DLG2: variants seen among roughly 807,000 people sequenced by gnomAD.
DLG2 encodes discs large MAGUK scaffold protein 2.
Under a neutral mutation model 132.5 loss-of-function variants are expected in DLG2, and 45 were observed. That is an observed-to-expected ratio of 0.34 (90% CI 0.27 to 0.44). The LOEUF (loss-of-function observed/expected upper bound fraction) is 0.44. Among genes scored for constraint, DLG2 ranks in the 20% least tolerant of loss-of-function variants. The probability of loss-of-function intolerance (pLI) is 1.00; values close to 1 mark genes in which losing one functional copy is unlikely to be tolerated. For missense variants in DLG2, 1,045 were observed against 1,196.9 expected (o/e 0.87, Z 1.87); for synonymous variants, 424 against 419.6 (o/e 1.01, Z -0.13).
intron 18 of DLG2, among the ~76,000 whole-genome samples, chr11:83,750,569 T>C (rs1486338016): frequency 3.9e-5 from 6 of 152,198 alleles, no homozygotes; most frequent in Admixed American, 6.5e-5. Context: ...CTTTCATCTG[T>C]TCTACATATA....
intron 3 of DLG2, among the ~76,000 whole-genome samples, chr11:85,405,429 G>A (rs2088629369): frequency 6.6e-6 from 1 of 151,860 alleles, no homozygotes; most frequent in South Asian, 2.1e-4. Context: ...AATCACTAAA[G>A]AACATAACAG....
intron 8 of DLG2, among the ~76,000 whole-genome samples, chr11:84,192,104 A>G (rs144946163): frequency 2.0e-4 from 30 of 152,306 alleles, no homozygotes; most frequent in Non-Finnish European, 4.1e-4. Context: ...CACATGGGAC[A>G]AGTAAGAAAA....
chr11:84,280,867 ATTTTTT>A (rs35970331), intron 7 of DLG2, among the ~76,000 whole-genome samples: 8 of 67,700 alleles, frequency 1.2e-4, no homozygotes, highest in South Asian at 7.1e-4. Flanking sequence ...TGCCCAGCCA[ATTTTTT>A]TTTTTTTTTT....
At chr11:84,679,107 T>C (rs952705609) in intron 6 of DLG2, among the ~76,000 whole-genome samples, 8 of 151,548 alleles carry the variant, frequency 5.3e-5, no homozygotes, top group Non-Finnish European at 1.2e-4. Context: ...GTATTTGAAA[T>C]AAAAAATAAT....
At chr11:84,538,009 C>T (rs1430958556) in intron 6 of DLG2, among the ~76,000 whole-genome samples, 1 of 152,188 alleles carries the variant, frequency 6.6e-6, no homozygotes, top group Admixed American at 6.5e-5. Context: ...TTCTCCTCAT[C>T]ATTCATTTCA....
intron 7 of DLG2, among the ~76,000 whole-genome samples, chr11:84,471,544 AGTT>A (rs2099108370): frequency 6.6e-6 from 1 of 151,502 alleles, no homozygotes; most frequent in South Asian, 2.1e-4. Flanking sequence ...GGAGAGCAAG[AGTT>A]GTTTGAGGAA....
chr11:85,620,464 T>C (rs539378756), intron 2 of DLG2, among the ~76,000 whole-genome samples: 2 of 152,310 alleles, frequency 1.3e-5, no homozygotes, highest in Admixed American at 1.3e-4. Flanking sequence ...AGTGAGGAAG[T>C]TATGTTGAAA....
intron 3 of DLG2, among the ~76,000 whole-genome samples, chr11:85,294,668 T>C (rs990011781): frequency 3.3e-5 from 5 of 152,176 alleles, no homozygotes; most frequent in Admixed American, 6.6e-5. Flanking sequence ...TTGATTAACA[T>C]ATCTTCCAAC....
rs145279131 is a variant in DLG2 at position 84,739,566 on chromosome 11, C to T, written c.358-204835G>A. On this transcript the variant is annotated intron_variant, in intron 6 of 27. Transcript: ENST00000376104. ...AAGATATATCTTTAAAAATGGAAAG[C>T]TGCTAGTGAGGAAAGCCTAAAGTTT... Among the ~76,000 whole-genome samples, 266 of 152,186 alleles carry T rather than the reference C, an allele frequency of 1.7e-3. 1 individual carries two copies. The highest frequency in any genetic ancestry group is 5.9e-3 in the African/African-American group (247 of 41,538).
intron 18 of DLG2, among the ~76,000 whole-genome samples, chr11:83,684,825 T>C (rs2079450775): frequency 6.6e-6 from 1 of 152,240 alleles, no homozygotes; most frequent in Admixed American, 6.5e-5. Context: ...CATCATTCCA[T>C]GAAAAATTAA....
chr11:83,509,776 C>T (rs2094913026), intron 21 of DLG2, among the ~76,000 whole-genome samples: 1 of 152,038 alleles, frequency 6.6e-6, no homozygotes, highest in Non-Finnish European at 1.5e-5. Context: ...CTGTTAAAAA[C>T]TCACAAGGCA....
At chr11:84,911,279 A>G (rs1264457876) in intron 6 of DLG2, among the ~76,000 whole-genome samples, 1 of 151,982 alleles carries the variant, frequency 6.6e-6, no homozygotes, top group African/African-American at 2.4e-5. Flanking sequence ...AAAAGCCTAC[A>G]TGTTGCTTAA....
At chr11:84,546,731 T>C (rs576045879) in intron 6 of DLG2, 1 of 438,856 alleles carries the variant, frequency 2.3e-6, no homozygotes. Context: ...CCATGAGTGC[T>C]CCCAATTGCT....
chr11:85,609,974 A>T (rs752647664), intron 2 of DLG2, among the ~76,000 whole-genome samples: 2 of 152,108 alleles, frequency 1.3e-5, no homozygotes, highest in African/African-American at 2.4e-5. Flanking sequence ...TTAGGGAGGG[A>T]TATATTAGCC....
At chr11:85,512,385 T>A (rs2094093189) in intron 3 of DLG2, among the ~76,000 whole-genome samples, 1 of 152,150 alleles carries the variant, frequency 6.6e-6, no homozygotes, top group Admixed American at 6.6e-5. Context: ...ACAGTTTTTA[T>A]TCTAAAACAA....
chr11:85,171,694 G>A (rs144871358), intron 4 of DLG2, among the ~76,000 whole-genome samples: 1 of 152,174 alleles, frequency 6.6e-6, no homozygotes, highest in African/African-American at 2.4e-5. Context: ...GCAGCAGGCT[G>A]GAGACTGCCT....
intron 6 of DLG2, among the ~76,000 whole-genome samples, chr11:84,935,368 C>T (rs1236718029): frequency 6.6e-6 from 1 of 152,192 alleles, no homozygotes; most frequent in African/African-American, 2.4e-5. Flanking sequence ...CTTCTCAGTA[C>T]TGTTTAAATA....
At chr11:84,159,764 T>C (rs983762978) in intron 9 of DLG2, among the ~76,000 whole-genome samples, 1 of 152,128 alleles carries the variant, frequency 6.6e-6, no homozygotes, top group Non-Finnish European at 1.5e-5. Context: ...GAAGCTATTA[T>C]GGTTGTTGAG....
intron 7 of DLG2, among the ~76,000 whole-genome samples, chr11:84,349,119 T>C (rs1029031849): frequency 4.6e-5 from 7 of 152,220 alleles, no homozygotes; most frequent in South Asian, 4.1e-4. Context: ...TTTTAACTTT[T>C]TGACAACCTC....
Sources: allele counts gnomAD v4.1 joint callset (sites outside exome capture counted in the v4.1 genomes callset), GRCh38; gene constraint gnomAD v4.1.1; transcripts MANE v1.5; gene names NCBI Gene and HGNC (gene_info 2026-07-23, HGNC 2026-07-21).